TNFAIP8L3: variants seen among roughly 807,000 people sequenced by gnomAD.
The protein encoded by TNFAIP8L3 is TNF alpha induced protein 8 like 3.
Under a neutral mutation model 11.8 loss-of-function variants are expected in TNFAIP8L3, and 7 were observed. That is an observed-to-expected ratio of 0.59 (90% CI 0.34 to 1.11). TNFAIP8L3 has a LOEUF of 1.11. Ranked by LOEUF, TNFAIP8L3 falls within the 50% of genes most tolerant of loss-of-function variation. The pLI is 0.03. For synonymous variants in TNFAIP8L3, 98 were observed against 103.8 expected (o/e 0.94, Z 0.34); for missense variants, 219 against 258.6 (o/e 0.85, Z 1.05).
At chr15:51,060,709 G>A (rs1042713187) in intron 1 of TNFAIP8L3, among the ~76,000 whole-genome samples, 1 of 152,210 alleles carries the variant, frequency 6.6e-6, no homozygotes, top group African/African-American at 2.4e-5. Context: ...TTTGGGCTGG[G>A]TTAAGTGGGC....
At chr15:51,078,890 G>C (rs2065373451) in intron 1 of TNFAIP8L3, among the ~76,000 whole-genome samples, 1 of 152,060 alleles carries the variant, frequency 6.6e-6, no homozygotes, top group Non-Finnish European at 1.5e-5. Context: ...CGCTACCTCA[G>C]TACAGACCCT....
intron 1 of TNFAIP8L3, among the ~76,000 whole-genome samples, chr15:51,076,992 GCCC>G (rs1265966662): frequency 2.0e-5 from 3 of 151,920 alleles, no homozygotes; most frequent in Non-Finnish European, 2.9e-5. Flanking sequence ...GATTCCTGCC[GCCC>G]CCCATTCTAC....
chr15:51,085,550 C>T (rs1290301852), intron 1 of TNFAIP8L3, among the ~76,000 whole-genome samples: 1 of 151,140 alleles, frequency 6.6e-6, no homozygotes, highest in Admixed American at 6.6e-5. Flanking sequence ...GGCAAGAACA[C>T]AGTAGAAGGT....
At chr15:51,104,088 C>G (rs2065571959) in intron 1 of TNFAIP8L3, among the ~76,000 whole-genome samples, 1 of 152,192 alleles carries the variant, frequency 6.6e-6, no homozygotes, top group Non-Finnish European at 1.5e-5. Flanking sequence ...GTGCCAGCAG[C>G]CTCCCAGTTC....
At chr15:51,082,931 GA>G (rs1349729979) in intron 1 of TNFAIP8L3, among the ~76,000 whole-genome samples, 18 of 152,246 alleles carry the variant, frequency 1.2e-4, no homozygotes, top group African/African-American at 4.3e-4. Context: ...ACCTGAAAAG[GA>G]GTAAGGATAA....
intron 1 of TNFAIP8L3, chr15:51,064,784 C>G (rs892939694): frequency 5.3e-5 from 8 of 152,188 alleles, no homozygotes; most frequent in African/African-American, 1.9e-4. Context: ...GCACAGGGTG[C>G]CTATTGGTGA....
At chr15:51,097,854 T>TGG (rs35638055), upstream of TNFAIP8L3, among the ~76,000 whole-genome samples, 5,756 of 150,940 alleles carry the variant, frequency 0.038, 328 homozygotes, top group African/African-American at 0.12. Flanking sequence ...ATATTTCTTG[T>TGG]GGGGGGGGAA....
chr15:51,093,245 G>C (rs1174610050), intron 1 of TNFAIP8L3, among the ~76,000 whole-genome samples: 1 of 152,122 alleles, frequency 6.6e-6, no homozygotes, highest in East Asian at 1.9e-4. Context: ...TTTCCTTTCC[G>C]CCAGCCTTGG....
chr15:51,092,467 G>A (rs563479396), intron 1 of TNFAIP8L3, among the ~76,000 whole-genome samples: 1 of 152,326 alleles, frequency 6.6e-6, no homozygotes, highest in South Asian at 2.1e-4. Flanking sequence ...TGTCATACAG[G>A]AGAATACTTT....
At chr15:51,093,436 G>T (rs1337891764) in intron 1 of TNFAIP8L3, among the ~76,000 whole-genome samples, 5 of 152,176 alleles carry the variant, frequency 3.3e-5, no homozygotes, top group African/African-American at 1.2e-4. Flanking sequence ...AGGATGAAAG[G>T]GTATTAATAA....
chr15:51,094,497 T>TCCCCAG lies in TNFAIP8L3; in HGVS notation c.52+41_52+46dup, dbSNP rs1234117111. 3.5e-6 allele frequency: 5 copies of TCCCCAG among 1,430,090 alleles called. No individual in the cohort carries two copies. The highest frequency in any genetic ancestry group is 2.6e-5 in the Admixed American group (1 of 37,858). The allele number at this position is 1,430,090 out of a possible 1,614,324, so 88.6% of individuals were successfully genotyped here. The stretch of plus-strand genomic sequence containing the variant: ...GATTTCATGCCCCAGCCTCCCGTCC[T>TCCCCAG]CCCCAGCCCCAGCCCACCCGCCTGG... On this transcript the variant is annotated intron_variant, in intron 1 of 1. Transcript: ENST00000637513. The surrounding 1 kb of genome is among the most constrained non-coding windows in gnomAD (Gnocchi z 4.4).
intron 1 of TNFAIP8L3, among the ~76,000 whole-genome samples, chr15:51,102,680 G>A (rs947507063): frequency 1.1e-4 from 16 of 152,020 alleles, no homozygotes; most frequent in African/African-American, 3.6e-4. Context: ...AGAACAAATG[G>A]GACCAGAACC....
chr15:51,088,356 CT>C (rs2065444424), intron 1 of TNFAIP8L3, among the ~76,000 whole-genome samples: 1 of 152,118 alleles, frequency 6.6e-6, no homozygotes, highest in Admixed American at 6.5e-5. Context: ...CAGTCTTCAC[CT>C]TAAGAAGCCT....
chr15:51,074,467 T>G (rs2140971025), intron 1 of TNFAIP8L3, among the ~76,000 whole-genome samples: 1 of 152,350 alleles, frequency 6.6e-6, no homozygotes, highest in South Asian at 2.1e-4. Context: ...GGGTGCCTTT[T>G]GGCACATGGT....
chr15:51,079,166 C>T (rs146636496), intron 1 of TNFAIP8L3, among the ~76,000 whole-genome samples: 1 of 152,370 alleles, frequency 6.6e-6, no homozygotes, highest in East Asian at 1.9e-4. Context: ...CTCACCTGCA[C>T]CAGGCCTGGG....
At chr15:51,090,922 A>T (rs946775086) in intron 1 of TNFAIP8L3, among the ~76,000 whole-genome samples, 2 of 136,236 alleles carry the variant, frequency 1.5e-5, no homozygotes, top group Non-Finnish European at 3.3e-5. Context: ...TGATCTTCCA[A>T]GCCAGAAAGG....
intron 1 of TNFAIP8L3, among the ~76,000 whole-genome samples, chr15:51,087,816 G>A (rs1011414852): frequency 4.0e-5 from 6 of 151,248 alleles, no homozygotes; most frequent in African/African-American, 1.5e-4. Context: ...AACCCAATAT[G>A]AACGTGAAGA....
upstream of TNFAIP8L3, among the ~76,000 whole-genome samples, chr15:51,099,806 G>A (rs149111369): frequency 3.3e-5 from 5 of 152,292 alleles, no homozygotes; most frequent in African/African-American, 4.8e-5. Context: ...GAGAGAAGAC[G>A]GAATCAAGAC....
intron 1 of TNFAIP8L3, among the ~76,000 whole-genome samples, chr15:51,080,906 A>G (rs2065386773): frequency 6.6e-6 from 1 of 152,202 alleles, no homozygotes; most frequent in South Asian, 2.1e-4. Flanking sequence ...CCCTTGATGG[A>G]TGGTTTGCCT....
Sources: gnomAD v4.1 joint callset for allele counts (sites outside exome capture counted in the v4.1 genomes callset) on GRCh38, gnomAD v4.1.1 for gene constraint, Gnocchi (gnomAD v3.1) non-coding constraint, MANE v1.5 for transcripts, NCBI Gene and HGNC (gene_info 2026-07-23, HGNC 2026-07-21) for gene names.